The following IGF1R variants were observed in gnomAD, a reference collection of about 807,000 sequenced individuals.
The protein encoded by IGF1R is insulin like growth factor 1 receptor.
Under a neutral mutation model 144.6 loss-of-function variants are expected in IGF1R, and 44 were observed. The ratio of observed to expected loss-of-function variants is 0.30; its 90% CI spans 0.24 to 0.39. IGF1R has a LOEUF of 0.39. Among genes scored for constraint, IGF1R ranks in the 10% least tolerant of loss-of-function variants. The pLI is 1.00. For synonymous variants in IGF1R, 795 were observed against 722.8 expected (o/e 1.10, Z -1.60); for missense variants, 1,355 against 1,833.7 (o/e 0.74, Z 4.77).
At chr15:98,735,046 T>C (rs45565334) in intron 2 of IGF1R, among the ~76,000 whole-genome samples, 2,329 of 152,238 alleles carry the variant, frequency 0.015, 35 homozygotes, top group South Asian at 0.047. Flanking sequence ...CTAATGGCAG[T>C]GCTGATTAGA....
chr15:98,731,322 C>T (rs2054491721), intron 2 of IGF1R, among the ~76,000 whole-genome samples: 1 of 152,194 alleles, frequency 6.6e-6, no homozygotes, highest in Non-Finnish European at 1.5e-5. Flanking sequence ...ATTAGGGGCT[C>T]ACTGCTTGGC....
chr15:98,871,749 G>A (rs1248138946), intron 2 of IGF1R, among the ~76,000 whole-genome samples: 2 of 152,148 alleles, frequency 1.3e-5, no homozygotes, highest in African/African-American at 4.8e-5. Context: ...TAACAGCAAG[G>A]GAAAAACCCA....
At chr15:98,862,303 TC>T (rs2012200676) in intron 2 of IGF1R, among the ~76,000 whole-genome samples, 1 of 152,232 alleles carries the variant, frequency 6.6e-6, no homozygotes. Flanking sequence ...GTCACAAGGA[TC>T]CAGGAGAGTC....
At position 98,744,140 on chromosome 15, in the gene IGF1R, C is replaced by T. The variant is rs143383099; in HGVS notation, c.640+36033C>T. ...TTTAGGTGGTCCTGGAAAGTAGAAA[C>T]ACACATGAGATAATTCTGGGGATGG... On this transcript the variant is annotated intron_variant, in intron 2 of 20. Transcript: ENST00000650285. 7.2e-5 allele frequency among the ~76,000 whole-genome samples: 11 copies of T among 152,040 alleles called. No individual in the cohort carries two copies. In the East Asian group the frequency reaches 2.1e-3, roughly 30 times the overall value.
intron 2 of IGF1R, among the ~76,000 whole-genome samples, chr15:98,878,428 T>C (rs1443726328): frequency 6.6e-6 from 1 of 152,156 alleles, no homozygotes; most frequent in Non-Finnish European, 1.5e-5. Context: ...AGTGTGAGTT[T>C]TATAAACTTA....
chr15:98,871,350 G>T (rs2012775535), intron 2 of IGF1R, among the ~76,000 whole-genome samples: 2 of 152,176 alleles, frequency 1.3e-5, no homozygotes, highest in Non-Finnish European at 1.5e-5. Context: ...TATCATAATG[G>T]TATTTACCTC....
chr15:98,934,030 T>A (rs2016044804), intron 15 of IGF1R, among the ~76,000 whole-genome samples: 1 of 152,164 alleles, frequency 6.6e-6, no homozygotes, highest in Non-Finnish European at 1.5e-5. Context: ...GTTTTTTAGT[T>A]CCAATAATAC....
intron 2 of IGF1R, among the ~76,000 whole-genome samples, chr15:98,760,527 T>G (rs529996404): frequency 6.6e-6 from 1 of 152,254 alleles, no homozygotes; most frequent in Non-Finnish European, 1.5e-5. Context: ...TTATTTACTG[T>G]GAGACTTGAA....
intron 2 of IGF1R, among the ~76,000 whole-genome samples, chr15:98,850,397 G>A (rs1016482148): frequency 6.6e-6 from 1 of 152,204 alleles, no homozygotes; most frequent in African/African-American, 2.4e-5. Flanking sequence ...ATGGTCTGGA[G>A]ACTGGAATAT....
At chr15:98,706,952 T>G (rs1439116589) in intron 1 of IGF1R, among the ~76,000 whole-genome samples, 1 of 151,634 alleles carries the variant, frequency 6.6e-6, no homozygotes, top group African/African-American at 2.4e-5. Context: ...TCTTGTTAGG[T>G]TATCCTTTAT....
chr15:98,844,082 T>C lies in IGF1R; in HGVS notation c.641-47243T>C, dbSNP rs145123615. Among the ~76,000 whole-genome samples, 866 of 152,336 alleles carry C rather than the reference T, an allele frequency of 5.7e-3. 4 individuals are homozygous for C. The highest frequency in any genetic ancestry group is 0.021 in the South Asian group (100 of 4,828). ...CTCATTCTGACTACAGTAAATAATATCTATTTGTTCATGTTAGATAAGTCT... is the reference window on the plus strand; with the variant it reads ...CTCATTCTGACTACAGTAAATAATACCTATTTGTTCATGTTAGATAAGTCT... On this transcript the variant is annotated intron_variant, in intron 2 of 20. Transcript: ENST00000650285.
intron 4 of IGF1R, among the ~76,000 whole-genome samples, chr15:98,898,004 G>T (rs2014291099): frequency 6.6e-6 from 1 of 151,466 alleles, no homozygotes; most frequent in African/African-American, 2.4e-5. Context: ...TAAATGAGTA[G>T]ACTGTATTCT....
chr15:98,847,413 G>T (rs1303621654), intron 2 of IGF1R, among the ~76,000 whole-genome samples: 3 of 152,162 alleles, frequency 2.0e-5, no homozygotes, highest in Non-Finnish European at 4.4e-5. Flanking sequence ...TGTACCATCT[G>T]GAAAGGAAAA....
In IGF1R at chr15:98,707,444, A is replaced by C; in HGVS notation, c.95-118A>C. 1.9e-6 allele frequency: 2 copies of C among 1,065,244 alleles called. No homozygotes were observed. The highest frequency in any genetic ancestry group is 2.8e-6 in the Non-Finnish European group (2 of 710,048). 66.0% of individuals were successfully genotyped at this position (1,065,244 alleles called of 1,614,324 possible). ...CCACAGCTCTGCAGTGAACAATTGA[A>C]CCTCATTTCTTTAATAATAATACAG... On this transcript the variant is annotated intron_variant, in intron 1 of 20. Transcript: ENST00000650285. The surrounding 1 kb of genome is among the most constrained non-coding windows in gnomAD (Gnocchi z 6.7).
In IGF1R at chr15:98,961,420, G is replaced by T. The variant is rs907215930; in HGVS notation, c.*3978G>T. ...AACACCTCAATAAAAGAGAAAACTT[G>T]GCTTGTGTGATGGTGCAGTCACTTT... On this transcript the variant is annotated 3_prime_UTR_variant, in exon 21 of 21. Coordinates refer to ENST00000650285, the MANE Select transcript of IGF1R (RefSeq NM_000875.5). 6.0e-5 allele frequency: 14 copies of T among 233,322 alleles called. No individual in the cohort carries two copies. Among genetic ancestry groups the T allele is most frequent in the African/African-American group, 3.1e-4 (14 of 45,332 alleles). The allele number at this position is 233,322 out of a possible 1,614,324, so 14.5% of individuals were successfully genotyped here. A position where few individuals can be genotyped will look rare whatever the true frequency, so the allele number is the denominator to read the frequency against.
rs149209774 is a variant in IGF1R at position 98,718,145 on chromosome 15, G to A, written c.640+10038G>A. On this transcript the variant is annotated intron_variant, in intron 2 of 20. Coordinates refer to ENST00000650285, the MANE Select transcript of IGF1R (RefSeq NM_000875.5). ...GATCAGGTGGGTGGGAAAATGTTGT[G>A]CAGGAATGCCAGGCCTCTGCCCGAA... Among the ~76,000 whole-genome samples, 890 of 152,288 alleles carry A rather than the reference G, an allele frequency of 5.8e-3. 6 individuals carry two copies. Among genetic ancestry groups the A allele is most frequent in the African/African-American group, 0.02 (847 of 41,558 alleles).
intron 1 of IGF1R, among the ~76,000 whole-genome samples, chr15:98,674,340 T>G (rs1274619959): frequency 6.6e-6 from 1 of 152,190 alleles, no homozygotes; most frequent in Non-Finnish European, 1.5e-5. Context: ...ATGGTGAATG[T>G]TCTATAAATG....
intron 2 of IGF1R, among the ~76,000 whole-genome samples, chr15:98,762,150 C>A (rs1211213990): frequency 6.6e-6 from 1 of 151,940 alleles, no homozygotes; most frequent in Non-Finnish European, 1.5e-5. Context: ...GTAGAGTGAC[C>A]ATTATATTTG....
chr15:98,827,328 A>T (rs903796527), intron 2 of IGF1R, among the ~76,000 whole-genome samples: 3 of 152,208 alleles, frequency 2.0e-5, no homozygotes, highest in African/African-American at 7.2e-5. Flanking sequence ...CCTCGTTCAC[A>T]TGCCGTTTGA....
Sources: allele counts gnomAD v4.1 joint callset (sites outside exome capture counted in the v4.1 genomes callset), GRCh38; gene constraint gnomAD v4.1.1; non-coding constraint Gnocchi (gnomAD v3.1); transcripts MANE v1.5; gene names NCBI Gene and HGNC (gene_info 2026-07-23, HGNC 2026-07-21).